LRRC7: variants seen among roughly 807,000 people sequenced by gnomAD.
LRRC7 encodes leucine-rich repeat-containing protein 7.
Under a neutral mutation model 175.7 loss-of-function variants are expected in LRRC7, and 23 were observed. The observed-to-expected ratio is 0.13, with a 90% CI of 0.09 to 0.19. The LOEUF (loss-of-function observed/expected upper bound fraction) is 0.19, where lower values mean the gene tolerates loss of function less well. LRRC7 is among the 10% of genes least tolerant of loss of function. LRRC7 has a pLI of 1.00. For synonymous variants in LRRC7, 685 were observed against 680.9 expected, an observed-to-expected ratio of 1.01 and a Z score of -0.09; for missense variants, 1,354 against 1,904.7, an observed-to-expected ratio of 0.71 and a Z score of 5.38.
chr1:70,026,670 CTTAT>C (rs574453956), intron 17 of LRRC7, among the ~76,000 whole-genome samples: 123 of 151,950 alleles, frequency 8.1e-4, no homozygotes, highest in Non-Finnish European at 1.4e-3. Flanking sequence ...CAATGTCATC[CTTAT>C]TTATTTGAGA....
chr1:69,773,158 A>G (rs1436964163), intron 3 of LRRC7, among the ~76,000 whole-genome samples: 1 of 152,226 alleles, frequency 6.6e-6, no homozygotes, highest in Non-Finnish European at 1.5e-5. Context: ...ACATTTGTTC[A>G]TGACTAGAAT....
intron 7 of LRRC7, among the ~76,000 whole-genome samples, chr1:69,877,479 TA>T (rs561159341): frequency 6.6e-6 from 1 of 151,992 alleles, no homozygotes; most frequent in South Asian, 2.1e-4. Context: ...ATTCTTTTTT[TA>T]AAAAAAACCA....
chr1:69,975,611 C>A (rs370861562), intron 8 of LRRC7, among the ~76,000 whole-genome samples: 6 of 152,182 alleles, frequency 3.9e-5, no homozygotes, highest in African/African-American at 1.4e-4. Context: ...TCTCAAACTA[C>A]TTCAATATGG....
intron 2 of LRRC7, among the ~76,000 whole-genome samples, chr1:69,724,734 CTT>C (rs1666753338): frequency 6.6e-6 from 1 of 152,022 alleles, no homozygotes; most frequent in Non-Finnish European, 1.5e-5. Flanking sequence ...GTCACAGAGA[CTT>C]ATACTTGTGG....
At position 69,656,458 on chromosome 1, in the gene LRRC7, A is replaced by T. The variant is rs76082662; in HGVS notation, c.3-21923A>T. ...TATCACATTTGTCATATGAGTTTGT[A>T]GCACTAAGGTAGACTAATGCTGTTT... is the stretch of plus-strand genomic sequence containing the variant. On this transcript the variant is annotated intron_variant, in intron 1 of 26. Coordinates refer to ENST00000651989, the MANE Select transcript of LRRC7 (RefSeq NM_001370785.2). Among the ~76,000 whole-genome samples, 837 of 152,144 alleles carry T rather than the reference A, an allele frequency of 5.5e-3. 6 individuals are homozygous for T. Among genetic ancestry groups the T allele is most frequent in the African/African-American group, 0.019 (791 of 41,552 alleles).
intron 3 of LRRC7, among the ~76,000 whole-genome samples, chr1:69,782,301 G>A (rs1421713215): frequency 6.6e-6 from 1 of 152,200 alleles, no homozygotes; most frequent in Non-Finnish European, 1.5e-5. Context: ...TTTCCGTACT[G>A]CAGGAACTGG....
intron 21 of LRRC7, 72 bp from the exon 22 acceptor site, chr1:70,043,882 C>A: frequency 6.8e-7 from 1 of 1,480,870 alleles, no homozygotes; most frequent in Non-Finnish European, 9.1e-7. Flanking sequence ...TAAATTTAAA[C>A]ATGTTCATGT....
chr1:69,795,912 G>GTTT (rs781358321), intron 4 of LRRC7, among the ~76,000 whole-genome samples: 37,172 of 149,264 alleles, frequency 0.25, 4,923 homozygotes, highest in Middle Eastern at 0.4. Flanking sequence ...TTTTTTTTGG[G>GTTT]TTTTTTTTTG....
At position 69,621,105 on chromosome 1, in the gene LRRC7, C is replaced by T. The variant is rs191415141; in HGVS notation, c.2+52464C>T. On this transcript the variant is annotated intron_variant, in intron 1 of 26. Coordinates refer to ENST00000651989, the MANE Select transcript of LRRC7 (RefSeq NM_001370785.2). The stretch of plus-strand genomic sequence containing the variant: ...TGTTGCCCAGGCTGGAGTGCAATGG[C>T]GCAATCTCATCTCACTGCAACCTCT... Among the ~76,000 whole-genome samples, 13 of 151,504 alleles carry T rather than the reference C, an allele frequency of 8.6e-5. No homozygotes were observed. In the East Asian group the frequency reaches 1.8e-3, roughly 20 times the overall value.
chr1:70,023,463 G>A (rs1366397543), intron 17 of LRRC7, 89 bp downstream of exon 17: 1 of 1,296,362 alleles, frequency 7.7e-7, no homozygotes, highest in Non-Finnish European at 1.0e-6. Flanking sequence ...CATGATTTGG[G>A]GTAAGAAATG....
chr1:69,570,664 T>C (rs540159406), intron 1 of LRRC7, among the ~76,000 whole-genome samples: 121 of 149,670 alleles, frequency 8.1e-4, no homozygotes, highest in African/African-American at 2.9e-3. Flanking sequence ...ACGAGGTGTT[T>C]TTTGTTTGTT....
intron 3 of LRRC7, among the ~76,000 whole-genome samples, chr1:69,777,876 G>A (rs1294083683): frequency 1.3e-5 from 2 of 152,062 alleles, no homozygotes; most frequent in African/African-American, 4.8e-5. Flanking sequence ...ACAGCCAACA[G>A]TGACCCATTC....
chr1:70,103,034 G>T (rs1167042701), intron 25 of LRRC7, among the ~76,000 whole-genome samples: 17 of 152,030 alleles, frequency 1.1e-4, no homozygotes, highest in Admixed American at 1.1e-3. Context: ...TTCAAGACCA[G>T]CCTGGGCAAT....
chr1:69,799,359 C>T (rs189627346), intron 4 of LRRC7, among the ~76,000 whole-genome samples: 2 of 152,114 alleles, frequency 1.3e-5, no homozygotes, highest in Non-Finnish European at 1.5e-5. Flanking sequence ...TCCCCACAAC[C>T]GACCTTACCA....
chr1:69,664,219 G>A (rs1279117243), intron 1 of LRRC7, among the ~76,000 whole-genome samples: 2 of 152,164 alleles, frequency 1.3e-5, no homozygotes, highest in African/African-American at 4.8e-5. Flanking sequence ...GAACACTTAG[G>A]TTGTTTGCAA....
chr1:70,031,652 G>A (rs1658730545), intron 18 of LRRC7, among the ~76,000 whole-genome samples: 2 of 152,136 alleles, frequency 1.3e-5, no homozygotes, highest in Non-Finnish European at 2.9e-5. Context: ...ACATGCACCT[G>A]TTAAACACCA....
chr1:70,120,391 A>G (rs1666132139), intron 26 of LRRC7, among the ~76,000 whole-genome samples: 1 of 152,090 alleles, frequency 6.6e-6, no homozygotes. Context: ...GTATTTTTTT[A>G]CTGGCAGATT....
intron 3 of LRRC7, among the ~76,000 whole-genome samples, chr1:69,787,235 A>G (rs1480517375): frequency 6.6e-6 from 1 of 152,182 alleles, no homozygotes; most frequent in Non-Finnish European, 1.5e-5. Flanking sequence ...CTCGCAGGGT[A>G]CGGCCCCCCT....
rs533962683 is a variant in LRRC7 at position 70,002,309 on chromosome 1, G to T, written c.1004+7676G>T. ...TCTATGGGCATCAGAATCCTGAAGG[G>T]TAATACATGTGGCTTTGAGATGTGA... On this transcript the variant is annotated intron_variant, in intron 11 of 26. Coordinates refer to ENST00000651989, the MANE Select transcript of LRRC7 (RefSeq NM_001370785.2). Among the ~76,000 whole-genome samples, 4 of 152,292 alleles carry T rather than the reference G, an allele frequency of 2.6e-5. No homozygotes were observed. In the South Asian group the frequency reaches 8.3e-4, roughly 32 times the overall value.
Sources: gnomAD v4.1 joint callset for allele counts (sites outside exome capture counted in the v4.1 genomes callset) on GRCh38, gnomAD v4.1.1 for gene constraint, MANE v1.5 for transcripts, NCBI Gene and HGNC (gene_info 2026-07-23, HGNC 2026-07-21) for gene names.